Variants in WDR72 observed in about 807,000 individuals in gnomAD.
WDR72 encodes the protein WD repeat domain 72, also known as WD repeat-containing protein 72.
In WDR72, 120 loss-of-function variants were observed where a neutral mutation model predicts 124.2. The ratio of observed to expected loss-of-function variants is 0.97; its 90% CI spans 0.83 to 1.12. The LOEUF (loss-of-function observed/expected upper bound fraction) is 1.12. WDR72 is among the 50% of genes most tolerant of loss of function. The probability of loss-of-function intolerance (pLI) is 0.00; values close to 1 mark genes in which losing one functional copy is unlikely to be tolerated. For missense variants in WDR72, 1,387 were observed against 1,278.8 expected (o/e 1.08, Z -1.29); for synonymous variants, 452 against 441.7 (o/e 1.02, Z -0.29).
At chr15:53,661,028 G>T (rs2015591042) in intron 14 of WDR72, among the ~76,000 whole-genome samples, 1 of 152,138 alleles carries the variant, frequency 6.6e-6, no homozygotes, top group Non-Finnish European at 1.5e-5. Flanking sequence ...CTAGTCCACT[G>T]CCTGTTTTTG....
intron 1 of WDR72, among the ~76,000 whole-genome samples, chr15:53,743,164 C>T (rs2140883146): frequency 6.6e-6 from 1 of 151,368 alleles, no homozygotes; most frequent in African/African-American, 2.4e-5. Flanking sequence ...TGTATGTATA[C>T]AATTTTGTCA....
intron 13 of WDR72, among the ~76,000 whole-genome samples, chr15:53,692,346 G>A (rs2016870947): frequency 6.6e-6 from 1 of 152,092 alleles, no homozygotes; most frequent in Admixed American, 6.5e-5. Context: ...AATAATTATT[G>A]AGCACAATTA....
At chr15:53,644,431 G>A (rs77497881) in intron 14 of WDR72, among the ~76,000 whole-genome samples, 2,008 of 151,920 alleles carry the variant, frequency 0.013, 36 homozygotes, top group East Asian at 0.07. Context: ...TTTTTAAGCC[G>A]ATTAACTAAA....
At chr15:53,643,571 G>C (rs1027914050) in intron 14 of WDR72, among the ~76,000 whole-genome samples, 1 of 151,886 alleles carries the variant, frequency 6.6e-6, no homozygotes, top group Admixed American at 6.6e-5. Context: ...ACTTTCTTTG[G>C]GGCAACCAAA....
chr15:53,692,212 A>AT (rs146515150), intron 13 of WDR72, among the ~76,000 whole-genome samples: 4,123 of 152,226 alleles, frequency 0.027, 101 homozygotes, highest in East Asian at 0.069. Flanking sequence ...GTTGCTTTAT[A>AT]TTTTTTCAAA....
chr15:53,562,153 A>G lies in WDR72; in HGVS notation c.3148+34926T>C, dbSNP rs572467520. ...GCAAACTGAGACCAGGAGGGGTTGA[A>G]AAAATTAAGGTGAGATAGTCCTTAA... On this transcript the variant is annotated intron_variant, in intron 18 of 19. Coordinates refer to ENST00000360509, the MANE Select transcript of WDR72 (RefSeq NM_182758.4). 5.9e-4 allele frequency among the ~76,000 whole-genome samples: 90 copies of G among 151,982 alleles called. 1 individual carries two copies. Among genetic ancestry groups the G allele is most frequent in the Non-Finnish European group, 1.1e-3 (78 of 67,846 alleles).
intron 13 of WDR72, among the ~76,000 whole-genome samples, chr15:53,675,688 A>G (rs1427133319): frequency 6.6e-6 from 1 of 152,172 alleles, no homozygotes; most frequent in Non-Finnish European, 1.5e-5. Flanking sequence ...ATCCTTGAAG[A>G]GATTTGAGTC....
In WDR72 at chr15:53,597,152, C is replaced by A. The variant is rs1349973450; in HGVS notation, c.3075G>T (p.Lys1025Asn). Residue 1025 changes from lysine to asparagine, a missense_variant, in exon 18 of 20, where the codon AAG (lysine) becomes AAT (asparagine). Coordinates refer to ENST00000360509, the MANE Select transcript of WDR72 (RefSeq NM_182758.4). ...TCCATTCCAGCTTTGGCAGCATCTG[C>A]TTCATCTCACAGTTACCATTCTCTG... Reference protein sequence around the residue: ...SMAENGNCEMKQMLPKLEWTE... With the variant: ...SMAENGNCEMNQMLPKLEWTE... The A allele has an allele frequency of 6.8e-6, 11 of 1,613,772 alleles. No individual in the cohort carries two copies. The highest frequency in any genetic ancestry group is 9.3e-6 in the Non-Finnish European group (11 of 1,179,882).
At chr15:53,675,000 A>G (rs1326325573) in intron 13 of WDR72, among the ~76,000 whole-genome samples, 3 of 152,220 alleles carry the variant, frequency 2.0e-5, no homozygotes, top group Non-Finnish European at 4.4e-5. Flanking sequence ...GTGTAAAGAT[A>G]GCAAAGAATG....
intron 14 of WDR72, among the ~76,000 whole-genome samples, chr15:53,661,027 T>C (rs690184): frequency 0.051 from 7,712 of 152,234 alleles, 661 homozygotes; most frequent in African/African-American, 0.18. Flanking sequence ...TCTAGTCCAC[T>C]GCCTGTTTTT....
intron 18 of WDR72, among the ~76,000 whole-genome samples, chr15:53,531,166 A>G (rs1385433035): frequency 6.6e-6 from 1 of 152,084 alleles, no homozygotes; most frequent in East Asian, 1.9e-4. Flanking sequence ...CATTAGGCTG[A>G]GTTACTCTGA....
rs67355782 is a variant in WDR72 at position 53,716,836 on chromosome 15, AG to A, written c.261-152del. Reference sequence around the variant, plus strand: ...GCAAGAAAATGTTGTGGTCATTAGCAGGGATGACATACTGTATCTGTATCTT... The same window carrying A: ...GCAAGAAAATGTTGTGGTCATTAGCAGGATGACATACTGTATCTGTATCTT... On this transcript the variant is annotated intron_variant, in intron 3 of 19. Transcript: ENST00000360509. 0.014 allele frequency: 9,268 copies of A among 684,058 alleles called. 671 individuals carry two copies. In the African/African-American group the frequency reaches 0.15, roughly 11 times the overall value. 42.4% of individuals were successfully genotyped at this position (684,058 alleles called of 1,614,324 possible). A position where few individuals can be genotyped will look rare whatever the true frequency, so the allele number is the denominator to read the frequency against.
In WDR72 at chr15:53,582,245, C is replaced by T. The variant is rs113258715; in HGVS notation, c.3148+14834G>A. Among the ~76,000 whole-genome samples the T allele has an allele frequency of 1.6e-4, 25 of 152,078 alleles. 2 individuals are homozygous for T. Among genetic ancestry groups the T allele is most frequent in the African/African-American group, 6.0e-4 (25 of 41,520 alleles). On this transcript the variant is annotated intron_variant, in intron 18 of 19. Coordinates refer to ENST00000360509, the MANE Select transcript of WDR72 (RefSeq NM_182758.4). ...CAGATTCCAGAAAGAGACAACTCGG[C>T]TAAGTAAAGTTATTTTTTAAATCCA...
At chr15:53,730,603 T>C (rs1338629202) in intron 2 of WDR72, among the ~76,000 whole-genome samples, 2 of 152,066 alleles carry the variant, frequency 1.3e-5, no homozygotes, top group Non-Finnish European at 2.9e-5. Flanking sequence ...AATAAATGGC[T>C]CCCTGTTCAC....
At chr15:53,540,496 T>C (rs1893031466) in intron 18 of WDR72, among the ~76,000 whole-genome samples, 1 of 147,248 alleles carries the variant, frequency 6.8e-6, no homozygotes, top group African/African-American at 2.5e-5. Context: ...AAAAGGGAAA[T>C]TCAATACAAA....
In WDR72 at chr15:53,627,227, A is replaced by T. The variant is rs200021852; in HGVS notation, c.1963-10984T>A. Among the ~76,000 whole-genome samples, 14 of 152,332 alleles carry T rather than the reference A, an allele frequency of 9.2e-5. No homozygotes were observed. In the East Asian group the frequency reaches 2.7e-3, roughly 29 times the overall value. On this transcript the variant is annotated intron_variant, in intron 14 of 19. Coordinates refer to ENST00000360509, the MANE Select transcript of WDR72 (RefSeq NM_182758.4). ...ATAATATTTTTTATTTATTATTTTT[A>T]AAAGATACAAGGGTCTTCATTAGCT...
intron 17 of WDR72, among the ~76,000 whole-genome samples, chr15:53,600,378 G>T (rs2012991193): frequency 6.6e-6 from 1 of 152,050 alleles, no homozygotes; most frequent in South Asian, 2.1e-4. Context: ...TGAGCATTAT[G>T]GCTATAAAGC....
chr15:53,565,546 G>C (rs1293973476), intron 18 of WDR72, among the ~76,000 whole-genome samples: 1 of 151,912 alleles, frequency 6.6e-6, no homozygotes, highest in Admixed American at 6.6e-5. Flanking sequence ...GCACAGTTCA[G>C]CATCTTGCTT....
chr15:53,657,263 CAAAAAAAAAAAAAAAA>C (rs10549551), intron 14 of WDR72, among the ~76,000 whole-genome samples: 1 of 56,400 alleles, frequency 1.8e-5, no homozygotes, highest in South Asian at 1.1e-3. Flanking sequence ...GACTCCATCT[CAAAAAAAAAAAAAAAA>C]AAAAAAAAAA....
Sources: allele counts gnomAD v4.1 joint callset (sites outside exome capture counted in the v4.1 genomes callset), GRCh38; gene constraint gnomAD v4.1.1; transcripts MANE v1.5; gene names NCBI Gene and HGNC (gene_info 2026-07-23, HGNC 2026-07-21).